Variants in ZNF281 observed in about 807,000 individuals in gnomAD.
ZNF281 encodes GC-box-binding zinc finger protein 1.
In ZNF281, 2 loss-of-function variants were observed where a neutral mutation model predicts 58.8. The observed-to-expected ratio is 0.03, with a 90% CI of 0.01 to 0.11. The LOEUF is 0.11. Ranked by LOEUF, ZNF281 falls within the 10% of genes least tolerant of loss-of-function variation. The pLI is 1.00. For missense variants in ZNF281, 975 were observed against 1,090.7 expected (o/e 0.89, Z 1.49); for synonymous variants, 465 against 407.7 (o/e 1.14, Z -1.69).
In ZNF281 at chr1:200,409,230, C is replaced by G. The variant is rs1654538861; in HGVS notation, c.476G>C (p.Arg159Thr). The G allele has an allele frequency of 6.2e-7, 1 of 1,614,076 alleles. No homozygotes were observed. The highest frequency in any genetic ancestry group is 1.1e-5 in the South Asian group (1 of 91,072). Residue 159 changes from arginine (R) to threonine (T), a missense_variant, in exon 2 of 2, where the codon AGG (arginine) becomes ACG (threonine). This residue lies in a region of ZNF281 where 370 missense variants were observed against 360.9 expected (regional missense o/e 1.03). Transcript: ENST00000367353. ...YGGLFAGAEERSPGLGGGEGG... is the reference protein window; with the variant it reads ...YGGLFAGAEETSPGLGGGEGG... ...TTCACCGCCTCCTAGGCCTGGAGAC[C>G]TCTCTTCAGCTCCAGCGAACAGCCC...
chr1:200,407,247 A>G lies in ZNF281; in HGVS notation c.2459T>C (p.Ile820Thr). The change falls in exon 2 of 2, where the codon ATA becomes ACA. Residue 820 changes from isoleucine (I) to threonine (T), a missense_variant. Physicochemically the swap from Ile to Thr is moderately conservative, Grantham distance 89. This residue lies in a region of ZNF281 where 579 missense variants were observed against 608.9 expected (regional missense o/e 0.95). Transcript: ENST00000367353. ...AATCTGATACGTTGTTCTAGGCTCT[A>G]TGTCTTTCTGAGGATCTATCTGGCT... ...LASQIDPQKD[I>T]EPRTTYQIEN... 6.2e-7 allele frequency: 1 copy of G among 1,614,210 alleles called. No individual in the cohort carries two copies. The highest frequency in any genetic ancestry group is 8.5e-7 in the Non-Finnish European group (1 of 1,180,032).
rs1436188945 is a variant in ZNF281 at position 200,405,900 on chromosome 1, AC to A, written c.*1117del. 5.4e-5 allele frequency: 8 copies of A among 149,482 alleles called. No homozygotes were observed. The highest frequency in any genetic ancestry group is 2.7e-4 in the Admixed American group (4 of 14,988). The allele number at this position is 149,482 out of a possible 1,614,324, so 9.3% of individuals were successfully genotyped here. A position where few individuals can be genotyped will look rare whatever the true frequency, so the allele number is the denominator to read the frequency against. On this transcript the variant is annotated 3_prime_UTR_variant, in exon 2 of 2. Transcript: ENST00000367353. ...TTAAAGGTGGGTTTTGGGGATGTTT[AC>A]CCTATTGTTTTTTATTTGGATGCCC...
intron 1 of ZNF281, 110 bp downstream of exon 1, chr1:200,409,836 G>T: frequency 7.4e-7 from 1 of 1,356,902 alleles, no homozygotes; most frequent in Non-Finnish European, 9.8e-7. Context: ...AGACCGCAAC[G>T]CGCCCAGCAC....
rs868409163 is a variant in ZNF281, at chr1:200,407,132, G to A, written c.2574C>T (p.Asp858=). Residue 858 remains aspartate, a synonymous_variant, in exon 2 of 2, where the codon GAC becomes GAT. Transcript: ENST00000367353. Reference sequence around the variant, plus strand: ...CTGACACTGAAGTCCTTACTCTATGGTCCACTTCTCCATTAGAGTTAGTGA... The same window carrying A: ...CTGACACTGAAGTCCTTACTCTATGATCCACTTCTCCATTAGAGTTAGTGA... The part of the protein sequence containing the change: ...TFITNSNGEV[D]HRVRTSVSDF... The A allele has an allele frequency of 1.2e-6, 2 of 1,613,966 alleles. No homozygotes were observed. The highest frequency in any genetic ancestry group is 1.3e-5 in the African/African-American group (1 of 74,906).
chr1:200,408,419 T>C lies in ZNF281; in HGVS notation c.1287A>G (p.Ser429=), dbSNP rs1255895227. The C allele has an allele frequency of 6.2e-7, 1 of 1,614,170 alleles. No homozygotes were observed. Among genetic ancestry groups the C allele is most frequent in the East Asian group, 2.2e-5 (1 of 44,884 alleles). The change falls in exon 2 of 2, where the codon TCA becomes TCG. Residue 429 remains serine, a synonymous_variant. Transcript: ENST00000367353. The part of the protein sequence containing the change: ...KTGKTNESQI[S]NNINMQSYSV... ...AGTAACTCTGCATGTTTATATTATT[T>C]GAAATTTGCGATTCATTTGTTTTAC...
chr1:200,407,846 G>A lies in ZNF281; in HGVS notation c.1860C>T (p.Ser620=). The A allele has an allele frequency of 6.2e-7, 1 of 1,614,044 alleles. No homozygotes were observed. Among genetic ancestry groups the A allele is most frequent in the East Asian group, 2.2e-5 (1 of 44,880 alleles). ...ILDQYSNKSE[S]QKEDPFNIAE... ...CAATATTGAAAGGATCCTCTTTCTGGCTTTCTGATTTGTTGGAGTATTGAT... is the reference window on the plus strand; with the variant it reads ...CAATATTGAAAGGATCCTCTTTCTGACTTTCTGATTTGTTGGAGTATTGAT... The change falls in exon 2 of 2, where the codon AGC becomes AGT. Residue 620 remains serine (S), a synonymous_variant. Coordinates refer to ENST00000367353, the MANE Select transcript of ZNF281 (RefSeq NM_001281293.2).
In ZNF281 at chr1:200,408,915, T is replaced by C. The variant is rs748743006; in HGVS notation, c.791A>G (p.Asp264Gly). ...GCTTCGGAAAGCAGCACTACAGTGA[T>C]CACAGATATGAGGTTTCTGACTTGG... Reference protein sequence around the residue: ...LSPSQKPHICDHCSAAFRSSY... With the variant: ...LSPSQKPHICGHCSAAFRSSY... Residue 264 changes from aspartate to glycine, a missense_variant, in exon 2 of 2, where the codon GAT becomes GGT. Around this residue, in one of 3 missense-constraint regions of ZNF281, gnomAD observed 370 missense variants for 360.9 expected, o/e 1.03. Coordinates refer to ENST00000367353, the MANE Select transcript of ZNF281 (RefSeq NM_001281293.2). The C allele has an allele frequency of 1.5e-5, 24 of 1,614,140 alleles. No homozygotes were observed. The highest frequency in any genetic ancestry group is 2.0e-5 in the Non-Finnish European group (24 of 1,180,044).
intron 1 of ZNF281, 32 bp from the exon 2 acceptor site, chr1:200,409,755 A>G: frequency 6.4e-7 from 1 of 1,571,560 alleles, no homozygotes; most frequent in Non-Finnish European, 8.6e-7. Flanking sequence ...GGGAAGAGGG[A>G]GGAAAGGAGG....
intron 1 of ZNF281, 74 bp downstream of exon 1, chr1:200,409,872 C>T: frequency 9.7e-7 from 1 of 1,026,834 alleles, no homozygotes; most frequent in African/African-American, 1.6e-5. Flanking sequence ...TCGCCTCCGG[C>T]ACCGGCACGC....
Position 200,408,146 on chromosome 1 carries a change from T to C in ZNF281, c.1560A>G (p.Thr520=). ...TACTTATCTGACCTTGTTTGCCACTTGTACTTTGGAGAAGACCAATGGTCT... is the reference window on the plus strand; with the variant it reads ...TACTTATCTGACCTTGTTTGCCACTCGTACTTTGGAGAAGACCAATGGTCT... ...SVETIGLLQS[T]SGKQGQISSN... Residue 520 remains threonine, a synonymous_variant, in exon 2 of 2, where the codon ACA becomes ACG. Transcript: ENST00000367353. 1 of 1,614,192 alleles carries C rather than the reference T, an allele frequency of 6.2e-7. No homozygotes were observed. The highest frequency in any genetic ancestry group is 8.5e-7 in the Non-Finnish European group (1 of 1,180,058).
rs1415021890 is a variant in ZNF281 at position 200,409,644 on chromosome 1, C to A, written c.62G>T (p.Gly21Val). 1.3e-6 allele frequency: 2 copies of A among 1,551,816 alleles called. No homozygotes were observed. Among genetic ancestry groups the A allele is most frequent in the Non-Finnish European group, 8.7e-7 (1 of 1,150,128 alleles). The change falls in exon 2 of 2, where the codon GGC becomes GTC. Residue 21 changes from glycine (G) to valine (V), a missense_variant. Physicochemically the swap from Gly to Val is moderately radical, Grantham distance 109. Coordinates refer to ENST00000367353, the MANE Select transcript of ZNF281 (RefSeq NM_001281293.2). ...GCCGCCACTACCACCGCCGCCGGAGCCGCTACCACCGCTACTGCCGGTACC... is the reference window on the plus strand; with the variant it reads ...GCCGCCACTACCACCGCCGCCGGAGACGCTACCACCGCTACTGCCGGTACC... The part of the protein sequence containing the change: ...GGGTGSSGGS[G>V]SGGGGSGGGG...
chr1:200,405,863 G>GT lies in ZNF281; in HGVS notation c.*1154dup, dbSNP rs5780025. 71,962 of 147,868 alleles carry GT rather than the reference G, an allele frequency of 0.49. 18,375 individuals carry two copies. The highest frequency in any genetic ancestry group is 0.67 in the African/African-American group (26,999 of 40,316). The allele number at this position is 147,868 out of a possible 1,614,324, so 9.2% of individuals were successfully genotyped here. On this transcript the variant is annotated 3_prime_UTR_variant, in exon 2 of 2. Transcript: ENST00000367353. ...TTATTACATATGGAAATCTGTATGG[G>GT]TTTTTTTTTTTTTAAAGGTGGGTTT...
Position 200,409,739 on chromosome 1 carries a change from G to C in ZNF281, c.-18-16C>G. The C allele has an allele frequency of 6.3e-7, 1 of 1,583,318 alleles. No homozygotes were observed. The highest frequency in any genetic ancestry group is 8.6e-7 in the Non-Finnish European group (1 of 1,168,478). On this transcript the variant is annotated splice_polypyrimidine_tract_variant and intron_variant, in intron 1 of 1. Transcript: ENST00000367353. ...GGAGGCCTGGCTGAAGAAAGGAGGAGGAAGAGGGAAGAGGGAGGAAAGGAG... is the reference window on the plus strand; with the variant it reads ...GGAGGCCTGGCTGAAGAAAGGAGGACGAAGAGGGAAGAGGGAGGAAAGGAG...
rs1336742533 is a variant in ZNF281, at chr1:200,407,297, A to G, written c.2409T>C (p.Phe803=). 1.2e-6 allele frequency: 2 copies of G among 1,614,094 alleles called. No homozygotes were observed. Among genetic ancestry groups the G allele is most frequent in the African/African-American group, 2.7e-5 (2 of 74,946 alleles). The change falls in exon 2 of 2, where the codon TTT becomes TTC. Residue 803 remains phenylalanine, a synonymous_variant. Coordinates refer to ENST00000367353, the MANE Select transcript of ZNF281 (RefSeq NM_001281293.2). The part of the protein sequence containing the change: ...EQKNLESSTG[F]QIPSQELASQ... Reference sequence around the variant, plus strand: ...TAGCTAACTCCTGAGATGGAATCTGAAAGCCTGTTGAAGACTCTAAGTTTT... The same window carrying G: ...TAGCTAACTCCTGAGATGGAATCTGGAAGCCTGTTGAAGACTCTAAGTTTT...
In ZNF281 at chr1:200,406,224, T is replaced by G. The variant is rs925927722; in HGVS notation, c.*794A>C. 2.0e-5 allele frequency: 3 copies of G among 152,508 alleles called. No homozygotes were observed. The highest frequency in any genetic ancestry group is 4.4e-5 in the Non-Finnish European group (3 of 68,014). The allele number at this position is 152,508 out of a possible 1,614,324, so 9.4% of individuals were successfully genotyped here. On this transcript the variant is annotated 3_prime_UTR_variant, in exon 2 of 2. Coordinates refer to ENST00000367353, the MANE Select transcript of ZNF281 (RefSeq NM_001281293.2). The stretch of plus-strand genomic sequence containing the variant: ...GCTTCAACACTGTACTAGATGTCAG[T>G]AGAATCGCTTGATGGAATTACAGCC...
Position 200,407,250 on chromosome 1 carries a change from T to C in ZNF281, c.2456A>G (p.Asp819Gly). The change falls in exon 2 of 2, where the codon GAC becomes GGC. Residue 819 changes from aspartate (D) to glycine (G), a missense_variant. Asp to Gly is a moderately conservative substitution (Grantham distance 94, BLOSUM62 -1). Around this residue, in one of 3 missense-constraint regions of ZNF281, gnomAD observed 579 missense variants for 608.9 expected, o/e 0.95. Transcript: ENST00000367353. ...CTGATACGTTGTTCTAGGCTCTATG[T>C]CTTTCTGAGGATCTATCTGGCTAGC... Reference protein sequence around the residue: ...ELASQIDPQKDIEPRTTYQIE... With the variant: ...ELASQIDPQKGIEPRTTYQIE... 6.2e-7 allele frequency: 1 copy of C among 1,614,236 alleles called. No homozygotes were observed.
In ZNF281 at chr1:200,409,151, C is replaced by G. The variant is rs1365911776; in HGVS notation, c.555G>C (p.Gln185His). The change falls in exon 2 of 2, where the codon CAG (glutamine) becomes CAC (histidine). Residue 185 changes from glutamine (Q) to histidine (H), a missense_variant. Around this residue, in one of 3 missense-constraint regions of ZNF281, gnomAD observed 370 missense variants for 360.9 expected, o/e 1.03. Coordinates refer to ENST00000367353, the MANE Select transcript of ZNF281 (RefSeq NM_001281293.2). ...QDLSILHQHV[Q>H]QQPAQHHRDV... Reference sequence around the variant, plus strand: ...CACGGTGGTGCTGGGCTGGTTGCTGCTGGACATGCTGGTGGAGAATACTGA... The same window carrying G: ...CACGGTGGTGCTGGGCTGGTTGCTGGTGGACATGCTGGTGGAGAATACTGA... 6.2e-7 allele frequency: 1 copy of G among 1,614,050 alleles called. No homozygotes were observed. Among genetic ancestry groups the G allele is most frequent in the Admixed American group, 1.7e-5 (1 of 60,000 alleles).
rs748539087 is a variant in ZNF281 at position 200,409,144 on chromosome 1, G to C, written c.562C>G (p.Pro188Ala). 1 of 1,614,048 alleles carries C rather than the reference G, an allele frequency of 6.2e-7. No homozygotes were observed. Among genetic ancestry groups the C allele is most frequent in the Non-Finnish European group, 8.5e-7 (1 of 1,180,044 alleles). Reference sequence around the variant, plus strand: ...AATACGTCACGGTGGTGCTGGGCTGGTTGCTGCTGGACATGCTGGTGGAGA... The same window carrying C: ...AATACGTCACGGTGGTGCTGGGCTGCTTGCTGCTGGACATGCTGGTGGAGA... Reference protein sequence around the residue: ...SILHQHVQQQPAQHHRDVLLS... With the variant: ...SILHQHVQQQAAQHHRDVLLS... Residue 188 changes from proline to alanine, a missense_variant, in exon 2 of 2, where the codon CCA (proline) becomes GCA (alanine). By Grantham distance (27) the Pro-to-Ala change is conservative. Transcript: ENST00000367353.
Position 200,408,773 on chromosome 1 carries a change from A to G in ZNF281, c.933T>C (p.His311=), listed in dbSNP as rs749755706. 4 of 1,614,142 alleles carry G rather than the reference A, an allele frequency of 2.5e-6. No individual in the cohort carries two copies. The highest frequency in any genetic ancestry group is 1.1e-5 in the South Asian group (1 of 91,074). Residue 311 remains histidine (H), a synonymous_variant, in exon 2 of 2, where the codon CAT becomes CAC. Coordinates refer to ENST00000367353, the MANE Select transcript of ZNF281 (RefSeq NM_001281293.2). ...CACATCCAAATGGCTTCTCTCTACT[A>G]TGAATTTTCTCATGTCTCTGTAGTA... ...KYLLQRHEKI[H]SREKPFGCDQ...
Sources: gnomAD v4.1 joint callset for allele counts on GRCh38, gnomAD v4.1.1 for gene constraint, gnomAD v4.1.1 regional missense constraint, MANE v1.5 for transcripts, NCBI Gene and HGNC (gene_info 2026-07-23, HGNC 2026-07-21) for gene names.